The following PPHLN1 variants were observed in gnomAD, a reference collection of about 807,000 sequenced individuals.
The protein encoded by PPHLN1 is periphilin 1.
Under a neutral mutation model 51.3 loss-of-function variants are expected in PPHLN1, and 29 were observed. The ratio of observed to expected loss-of-function variants is 0.57; its 90% CI spans 0.42 to 0.77. The LOEUF is 0.77. PPHLN1 is among the 30% of genes least tolerant of loss of function. The pLI, the probability that PPHLN1 is intolerant of heterozygous loss-of-function variation, is 0.00. For missense variants in PPHLN1, 436 were observed against 438.4 expected, an observed-to-expected ratio of 0.99 and a Z score of 0.05; for synonymous variants, 147 against 147.8, an observed-to-expected ratio of 0.99 and a Z score of 0.04.
At chr12:42,371,320 G>C (rs1311694036) in intron 4 of PPHLN1, among the ~76,000 whole-genome samples, 1 of 151,694 alleles carries the variant, frequency 6.6e-6, no homozygotes, top group Non-Finnish European at 1.5e-5. Context: ...GCTTCTCTAT[G>C]TTGCCCATGC....
At chr12:42,437,389 C>G (rs1441480757) in intron 9 of PPHLN1, among the ~76,000 whole-genome samples, 2 of 152,190 alleles carry the variant, frequency 1.3e-5, no homozygotes, top group Admixed American at 6.5e-5. Flanking sequence ...AGGCACTATT[C>G]TGAGTGTTCT....
At chr12:42,373,265 G>T (rs2075966045) in intron 4 of PPHLN1, among the ~76,000 whole-genome samples, 1 of 152,062 alleles carries the variant, frequency 6.6e-6, no homozygotes. Context: ...CAGTGCTGTT[G>T]GTATGACCCT....
intron 5 of PPHLN1, among the ~76,000 whole-genome samples, chr12:42,378,843 C>CT (rs1255451697): frequency 1.3e-5 from 2 of 152,072 alleles, no homozygotes; most frequent in African/African-American, 4.8e-5. Flanking sequence ...TCATCCTGTA[C>CT]TTTACTTGCA....
At chr12:42,384,855 A>T in intron 5 of PPHLN1, 85 bp from the exon 6 acceptor site, 18 of 1,341,116 alleles carry the variant, frequency 1.3e-5, no homozygotes, top group Non-Finnish European at 1.9e-5. Context: ...CCCTGTTCTC[A>T]TCACTCCTAC....
intron 9 of PPHLN1, among the ~76,000 whole-genome samples, chr12:42,426,498 C>T (rs1170503785): frequency 1.3e-5 from 2 of 152,064 alleles, no homozygotes; most frequent in Non-Finnish European, 2.9e-5. Context: ...AATCTCTCTG[C>T]TTCACTATTT....
chr12:42,355,075 G>T lies in PPHLN1; in HGVS notation c.238-86G>T. 7 of 1,233,132 alleles carry T rather than the reference G, an allele frequency of 5.7e-6. No individual in the cohort carries two copies. The South Asian group carries it at 7.4e-5, about 13-fold the overall frequency. 76.4% of individuals were successfully genotyped at this position (1,233,132 alleles called of 1,614,324 possible). On this transcript the variant is annotated intron_variant, in intron 3 of 9. Transcript: ENST00000358314. ...TGCCTTTGAAGTTTAGGGAAATTCG[G>T]TCTAGTTTCTGGTAGTATTGTTAGA...
intron 1 of PPHLN1, among the ~76,000 whole-genome samples, chr12:42,329,316 A>G (rs895261976): frequency 1.3e-5 from 2 of 151,978 alleles, no homozygotes; most frequent in Non-Finnish European, 2.9e-5. Flanking sequence ...CGTGTTAGCC[A>G]GTATGGTCTC....
chr12:42,410,797 A>G (rs2079743436), intron 9 of PPHLN1, among the ~76,000 whole-genome samples: 1 of 152,272 alleles, frequency 6.6e-6, no homozygotes, highest in East Asian at 1.9e-4. Flanking sequence ...TTTCTCATAA[A>G]GTTAGTACAT....
intron 1 of PPHLN1, among the ~76,000 whole-genome samples, chr12:42,326,455 T>C (rs1430638621): frequency 1.3e-5 from 2 of 152,158 alleles, no homozygotes; most frequent in African/African-American, 4.8e-5. Context: ...CGCCTTAATA[T>C]GCAAGAAGAC....
chr12:42,350,711 C>T (rs2073204297), intron 2 of PPHLN1, among the ~76,000 whole-genome samples: 2 of 152,166 alleles, frequency 1.3e-5, no homozygotes, highest in Admixed American at 6.5e-5. Flanking sequence ...GTCTGCGATC[C>T]CGGCACCTCG....
chr12:42,370,642 C>CAGT, intron 4 of PPHLN1, among the ~76,000 whole-genome samples: 1 of 152,242 alleles, frequency 6.6e-6, no homozygotes, highest in South Asian at 2.1e-4. Context: ...TATCAGCCTT[C>CAGT]AGTAGTGGTC....
intron 9 of PPHLN1, among the ~76,000 whole-genome samples, chr12:42,439,368 C>T (rs2139981087): frequency 6.6e-6 from 1 of 152,324 alleles, no homozygotes; most frequent in African/African-American, 2.4e-5. Context: ...TACTTCTGTG[C>T]TCTGTTTTAA....
intron 9 of PPHLN1, among the ~76,000 whole-genome samples, chr12:42,412,353 A>G (rs951915561): frequency 3.5e-4 from 53 of 152,196 alleles, no homozygotes; most frequent in African/African-American, 1.2e-3. Context: ...ATTTGGTTTC[A>G]GTTTCCTGAG....
intron 9 of PPHLN1, among the ~76,000 whole-genome samples, chr12:42,423,768 C>T (rs1229265522): frequency 6.6e-6 from 1 of 151,942 alleles, no homozygotes; most frequent in Non-Finnish European, 1.5e-5. Context: ...ACCTCTGCCT[C>T]CTGGTTCAAG....
intron 9 of PPHLN1, among the ~76,000 whole-genome samples, chr12:42,406,409 C>A (rs1169625046): frequency 6.6e-6 from 1 of 152,092 alleles, no homozygotes; most frequent in Non-Finnish European, 1.5e-5. Flanking sequence ...CAAATAGAAT[C>A]ATATGGAATA....
intron 9 of PPHLN1, among the ~76,000 whole-genome samples, chr12:42,401,203 G>A (rs928874433): frequency 1.3e-5 from 2 of 152,090 alleles, no homozygotes; most frequent in African/African-American, 4.8e-5. Flanking sequence ...TTGCAGGGAT[G>A]TGCCTGAAAA....
At chr12:42,415,150 C>A (rs2080255616) in intron 9 of PPHLN1, among the ~76,000 whole-genome samples, 1 of 152,110 alleles carries the variant, frequency 6.6e-6, no homozygotes, top group Admixed American at 6.5e-5. Flanking sequence ...AGGCCAAAAT[C>A]TGTCATTTTT....
chr12:42,433,944 T>C (rs749399720), intron 9 of PPHLN1, among the ~76,000 whole-genome samples: 4 of 152,132 alleles, frequency 2.6e-5, no homozygotes, highest in African/African-American at 4.8e-5. Context: ...CAATAAAATT[T>C]ATTTTAAAAA....
rs755196695 is a variant in PPHLN1, at chr12:42,374,852, T to G, written c.300-11T>G. 7 of 1,574,362 alleles carry G rather than the reference T, an allele frequency of 4.4e-6. No individual in the cohort carries two copies. Among genetic ancestry groups the G allele is most frequent in the Non-Finnish European group, 6.0e-6 (7 of 1,162,612 alleles). ...TAATTAACTTATTTTATGTTTTTTT[T>G]TTTTTCAAAGGGACATGAGAGATGG... On this transcript the variant is annotated splice_polypyrimidine_tract_variant and intron_variant, in intron 4 of 9. Coordinates refer to ENST00000358314, the MANE Select transcript of PPHLN1 (RefSeq NM_201439.2).
Sources: gnomAD v4.1 joint callset for allele counts (sites outside exome capture counted in the v4.1 genomes callset) on GRCh38, gnomAD v4.1.1 for gene constraint, MANE v1.5 for transcripts, NCBI Gene and HGNC (gene_info 2026-07-23, HGNC 2026-07-21) for gene names.